Variants in SLCO1B1 observed in about 807,000 individuals in gnomAD.
SLCO1B1 encodes solute carrier organic anion transporter family member 1B1.
A neutral mutation model predicts 70.1 loss-of-function variants in SLCO1B1; 81 were observed. The observed-to-expected ratio is 1.16, with a 90% confidence interval of 0.97 to 1.39. SLCO1B1 has a LOEUF of 1.39. SLCO1B1 is among the 40% of genes most tolerant of loss of function. The pLI is 0.00. For synonymous variants in SLCO1B1, 283 were observed against 271.5 expected (o/e 1.04, Z -0.42); for missense variants, 895 against 799.6 (o/e 1.12, Z -1.44).
chr12:21,181,196 C>G (rs1386419993), intron 7 of SLCO1B1, among the ~76,000 whole-genome samples: 2 of 152,080 alleles, frequency 1.3e-5, no homozygotes, highest in Non-Finnish European at 2.9e-5. Context: ...GATTGGTTTC[C>G]AAGAAAATCC....
At chr12:21,237,036 T>C (rs12578392) in intron 14 of SLCO1B1, among the ~76,000 whole-genome samples, 60,189 of 152,030 alleles carry the variant, frequency 0.4, 12,666 homozygotes, top group East Asian at 0.74. Context: ...ACTACTGATG[T>C]TGTGAGACCA....
intron 1 of SLCO1B1, 116 bp from the exon 2 acceptor site, chr12:21,141,398 A>T: frequency 2.1e-6 from 1 of 475,070 alleles, no homozygotes. Context: ...GACATAGTAG[A>T]CCCTGAGTGA....
chr12:21,140,456 A>G (rs924367148), intron 1 of SLCO1B1, among the ~76,000 whole-genome samples: 1 of 152,070 alleles, frequency 6.6e-6, no homozygotes, highest in South Asian at 2.1e-4. Flanking sequence ...TAGGACTTTA[A>G]TGACTCTCAA....
Position 21,178,685 on chromosome 12 carries a change from T to C in SLCO1B1, c.591T>C (p.Asp197=), listed in dbSNP as rs148105486. The C allele has an allele frequency of 9.3e-6, 15 of 1,607,042 alleles. No individual in the cohort carries two copies. The highest frequency in any genetic ancestry group is 1.7e-4 in the Middle Eastern group (1 of 6,054). ...TACCATTGGGGCTTTCTTACATTGA[T>C]GATTTCGCTAAAGAAGGACATTCTT... The part of the protein sequence containing the change: ...PIVPLGLSYI[D]DFAKEGHSSL... Residue 197 remains aspartate, a synonymous_variant, in exon 6 of 15, where the codon GAT becomes GAC. Transcript: ENST00000256958.
chr12:21,218,102 G>A (rs972319287), intron 12 of SLCO1B1, among the ~76,000 whole-genome samples: 5 of 152,144 alleles, frequency 3.3e-5, no homozygotes, highest in African/African-American at 1.2e-4. Flanking sequence ...TATTCTAAAG[G>A]TCTAAAGAAA....
At chr12:21,181,169 C>T (rs1041940826) in intron 7 of SLCO1B1, among the ~76,000 whole-genome samples, 9 of 152,190 alleles carry the variant, frequency 5.9e-5, no homozygotes, top group African/African-American at 2.2e-4. Context: ...TTAGGCCCTG[C>T]ATTGGCAAGG....
intron 7 of SLCO1B1, among the ~76,000 whole-genome samples, 186 bp from the exon 8 acceptor site, chr12:21,196,760 G>C (rs1399126624): frequency 6.6e-6 from 1 of 152,076 alleles, no homozygotes; most frequent in Admixed American, 6.6e-5. Flanking sequence ...TTCCTAGACA[G>C]TATCTGTTGC....
intron 7 of SLCO1B1, among the ~76,000 whole-genome samples, chr12:21,190,224 T>TGA: frequency 6.6e-6 from 1 of 152,336 alleles, no homozygotes; most frequent in East Asian, 1.9e-4. Flanking sequence ...CCTTTGACCA[T>TGA]CCGTACACGT....
At chr12:21,143,671 C>A (rs953905907) in intron 2 of SLCO1B1, among the ~76,000 whole-genome samples, 3 of 151,972 alleles carry the variant, frequency 2.0e-5, no homozygotes, top group African/African-American at 7.3e-5. Context: ...TGAACTCAGG[C>A]AATCTGATTC....
chr12:21,176,884 G>T lies in SLCO1B1; in HGVS notation c.468G>T (p.Glu156Asp), dbSNP rs746018460. 6.4e-7 allele frequency: 1 copy of T among 1,552,706 alleles called. No homozygotes were observed. Among genetic ancestry groups the T allele is most frequent in the South Asian group, 1.1e-5 (1 of 90,398 alleles). ...QILSLNRASP[E>D]IVGKGCLKES... ...TATCACTCAATAGAGCATCACCTGA[G>T]ATAGTGGGAAAAGGTAAGAATTAAT... is the stretch of plus-strand genomic sequence containing the variant. Residue 156 changes from glutamate (E) to aspartate (D), a missense_variant, in exon 5 of 15, where the codon GAG becomes GAT. Transcript: ENST00000256958.
chr12:21,174,354 A>T (rs1342761402), intron 3 of SLCO1B1, among the ~76,000 whole-genome samples: 1 of 152,258 alleles, frequency 6.6e-6, no homozygotes, highest in African/African-American at 2.4e-5. Context: ...ATAAAATTTT[A>T]CTTCACTAAT....
At chr12:21,141,191 T>C (rs987314621) in intron 1 of SLCO1B1, among the ~76,000 whole-genome samples, 3 of 151,982 alleles carry the variant, frequency 2.0e-5, no homozygotes, top group Non-Finnish European at 2.9e-5. Context: ...ACAATATAGG[T>C]GTGTAGAAAA....
At chr12:21,233,068 A>G (rs569671698) in intron 14 of SLCO1B1, among the ~76,000 whole-genome samples, 7 of 152,302 alleles carry the variant, frequency 4.6e-5, no homozygotes, top group African/African-American at 1.4e-4. Flanking sequence ...GACATTTGTC[A>G]CCTCATTCAG....
At chr12:21,173,046 G>C (rs1565672690) in intron 3 of SLCO1B1, among the ~76,000 whole-genome samples, 1 of 152,106 alleles carries the variant, frequency 6.6e-6, no homozygotes, top group Non-Finnish European at 1.5e-5. Flanking sequence ...AATGTTGATA[G>C]TGAGGATGTT....
At chr12:21,209,105 T>C (rs1177657824) in intron 11 of SLCO1B1, among the ~76,000 whole-genome samples, 1 of 152,002 alleles carries the variant, frequency 6.6e-6, no homozygotes, top group Non-Finnish European at 1.5e-5. Flanking sequence ...ATGTGCACAT[T>C]GTGCAGGTTA....
chr12:21,207,236 C>A (rs1338949604), intron 11 of SLCO1B1, among the ~76,000 whole-genome samples: 1 of 151,814 alleles, frequency 6.6e-6, no homozygotes, highest in Non-Finnish European at 1.5e-5. Context: ...CATTCCCATC[C>A]CCCAGGTAGT....
chr12:21,214,741 A>C (rs139204294), intron 11 of SLCO1B1, among the ~76,000 whole-genome samples: 35 of 151,972 alleles, frequency 2.3e-4, no homozygotes, highest in South Asian at 2.1e-3. Flanking sequence ...ACCCTCCAAG[A>C]CAGGTGCGGG....
At chr12:21,136,950 A>G (rs951844967) in intron 1 of SLCO1B1, among the ~76,000 whole-genome samples, 1 of 151,802 alleles carries the variant, frequency 6.6e-6, no homozygotes, top group African/African-American at 2.4e-5. Context: ...TTTTTTTCTC[A>G]TCTTTGTGGT....
intron 7 of SLCO1B1, among the ~76,000 whole-genome samples, chr12:21,191,962 C>T (rs770857809): frequency 6.6e-6 from 1 of 151,910 alleles, no homozygotes; most frequent in Non-Finnish European, 1.5e-5. Flanking sequence ...AGGTATAAAT[C>T]CCCCTTGAAT....
Sources: allele counts gnomAD v4.1 joint callset (sites outside exome capture counted in the v4.1 genomes callset), GRCh38; gene constraint gnomAD v4.1.1; transcripts MANE v1.5; gene names NCBI Gene and HGNC (gene_info 2026-07-23, HGNC 2026-07-21).